The following SMTN variants were observed in gnomAD, a reference collection of about 807,000 sequenced individuals.
SMTN encodes the protein smoothelin.
SMTN carries 58 observed loss-of-function variants against 102.0 expected under a neutral mutation model. The observed-to-expected ratio is 0.57, with a 90% CI of 0.46 to 0.71. The LOEUF is 0.71. Among genes scored for constraint, SMTN ranks in the 30% least tolerant of loss-of-function variants. SMTN has a pLI of 0.00. For synonymous variants in SMTN, 478 were observed against 497.9 expected (o/e 0.96, Z 0.53); for missense variants, 1,185 against 1,241.7 (o/e 0.95, Z 0.69).
Position 31,088,123 on chromosome 22 carries a change from G to C in SMTN, c.200+10G>C, listed in dbSNP as rs200190296. The C allele has an allele frequency of 1.3e-6, 2 of 1,585,552 alleles. No individual in the cohort carries two copies. The highest frequency in any genetic ancestry group is 1.1e-5 in the South Asian group (1 of 88,342). ...AGGAGAACTGGCTGCAGTGAGTAGC[G>C]GGGGGTGGAACATGCGGGTGAGAAG... On this transcript the variant is annotated intron_variant, in intron 3 of 20. Coordinates refer to ENST00000333137, the MANE Select transcript of SMTN (RefSeq NM_134269.3).
chr22:31,097,870 G>A (rs950371764), intron 16 of SMTN, among the ~76,000 whole-genome samples: 1 of 152,150 alleles, frequency 6.6e-6, no homozygotes, highest in African/African-American at 2.4e-5. Context: ...CACACCACAG[G>A]AGAGGTGGAT....
intron 1 of SMTN, among the ~76,000 whole-genome samples, chr22:31,074,808 A>C (rs10427786): frequency 0.026 from 2,474 of 97,004 alleles, 51 homozygotes; most frequent in African/African-American, 0.11. Flanking sequence ...AAAACAACAA[A>C]AACAACAACA....
In SMTN at chr22:31,095,306, G is replaced by A. The variant is rs772379604; in HGVS notation, c.1636G>A (p.Glu546Lys). ...SSRGGCSIKM[E>K]AEPAEPLAAA... Reference sequence around the variant, plus strand: ...ATGCCCTCTCCCCACCCTGCAGATGGAAGCAGAGCCAGCAGAGCCTCTCGC... The same window carrying A: ...ATGCCCTCTCCCCACCCTGCAGATGAAAGCAGAGCCAGCAGAGCCTCTCGC... Residue 546 changes from glutamate to lysine, a missense_variant, in exon 12 of 21, where the codon GAA (glutamate) becomes AAA (lysine). By Grantham distance (56) the Glu-to-Lys change is moderately conservative (BLOSUM62 1). Around this residue, in one of 2 missense-constraint regions of SMTN, gnomAD observed 1,096 missense variants for 1,112.7 expected, o/e 0.98. Coordinates refer to ENST00000333137, the MANE Select transcript of SMTN (RefSeq NM_134269.3). The surrounding 1 kb of genome is among the most constrained non-coding windows in gnomAD (Gnocchi z 4.1). 1 of 1,613,616 alleles carries A rather than the reference G, an allele frequency of 6.2e-7. No individual in the cohort carries two copies. The highest frequency in any genetic ancestry group is 2.2e-5 in the East Asian group (1 of 44,878).
Position 31,095,259 on chromosome 22 carries a change from C to T in SMTN, c.1633-44C>T. On this transcript the variant is annotated intron_variant, in intron 11 of 20. Coordinates refer to ENST00000333137, the MANE Select transcript of SMTN (RefSeq NM_134269.3). The surrounding 1 kb of genome is among the most constrained non-coding windows in gnomAD (Gnocchi z 4.1). ...TCCATTGGAGACATGATGAGTTTCACCCATACCCCTGCTTAAAGTCCATGC... is the reference window on the plus strand; with the variant it reads ...TCCATTGGAGACATGATGAGTTTCATCCATACCCCTGCTTAAAGTCCATGC... 6.2e-7 allele frequency: 1 copy of T among 1,603,232 alleles called. No individual in the cohort carries two copies. The highest frequency in any genetic ancestry group is 8.5e-7 in the Non-Finnish European group (1 of 1,173,748).
At chr22:31,091,548 C>T (rs1476862723) in intron 10 of SMTN, 66 bp downstream of exon 10, 1 of 1,509,080 alleles carries the variant, frequency 6.6e-7, no homozygotes, top group Non-Finnish European at 8.9e-7. Flanking sequence ...GCATGCAGGA[C>T]AGGTGCTGCG....
chr22:31,100,012 G>T, intron 19 of SMTN, 116 bp downstream of exon 19: 1 of 989,422 alleles, frequency 1.0e-6, no homozygotes, highest in South Asian at 1.6e-5. Context: ...TCAGTCAGCG[G>T]CTGAGACCCC....
Position 31,091,470 on chromosome 22 carries a change from A to G in SMTN, c.1447A>G (p.Asn483Asp), listed in dbSNP as rs769392437. ...AGGCCGGGTGCTGCTGCCCACAGGC[A>G]ACCAGAGGGCAGGTAGGCGCCCCCC... The part of the protein sequence containing the change: ...STGRVLLPTG[N>D]QRAELTLGLR... Residue 483 changes from asparagine (N) to aspartate (D), a missense_variant, in exon 10 of 21, where the codon AAC (asparagine) becomes GAC (aspartate). Coordinates refer to ENST00000333137, the MANE Select transcript of SMTN (RefSeq NM_134269.3). 1 of 1,520,574 alleles carries G rather than the reference A, an allele frequency of 6.6e-7. No individual in the cohort carries two copies. Among genetic ancestry groups the G allele is most frequent in the East Asian group, 2.3e-5 (1 of 44,124 alleles). 94.2% of individuals were successfully genotyped at this position (1,520,574 alleles called of 1,614,324 possible).
At chr22:31,092,551 C>T (rs1444309256) in intron 11 of SMTN, 1 of 471,214 alleles carries the variant, frequency 2.1e-6, no homozygotes, top group Admixed American at 2.3e-5. Context: ...CTGTGCTAAA[C>T]CAGGGACTGA....
intron 1 of SMTN, among the ~76,000 whole-genome samples, chr22:31,071,696 CT>C (rs760104691): frequency 1.5e-3 from 134 of 87,766 alleles, no homozygotes; most frequent in Middle Eastern, 6.0e-3. Context: ...CTCTCTCTCT[CT>C]TTTTTTTTTT....
chr22:31,097,153 G>A (rs943225011), intron 15 of SMTN, 93 bp downstream of exon 15: 37 of 1,501,596 alleles, frequency 2.5e-5, no homozygotes, highest in African/African-American at 1.1e-4. Flanking sequence ...CTTCAACTGT[G>A]CCGTCACTTT....
intron 1 of SMTN, chr22:31,067,920 G>A (rs553874886): frequency 6.6e-6 from 1 of 152,294 alleles, no homozygotes; most frequent in South Asian, 2.1e-4. Context: ...TATAATCCCA[G>A]CACTTTGGGA....
At chr22:31,084,972 C>A in intron 2 of SMTN, 1 of 1,455,074 alleles carries the variant, frequency 6.9e-7, no homozygotes, top group Non-Finnish European at 9.0e-7. Flanking sequence ...AAAAGCTAGG[C>A]CCGCTCCGCC....
chr22:31,073,259 G>A (rs1005896163), intron 1 of SMTN, among the ~76,000 whole-genome samples: 1 of 151,680 alleles, frequency 6.6e-6, no homozygotes, highest in Non-Finnish European at 1.5e-5. Flanking sequence ...ACATACACAC[G>A]CACGCACGCA....
At chr22:31,094,856 T>G (rs1046654335) in intron 11 of SMTN, among the ~76,000 whole-genome samples, 6 of 152,100 alleles carry the variant, frequency 3.9e-5, no homozygotes, top group Non-Finnish European at 7.4e-5. Flanking sequence ...TAATTTTTTA[T>G]TTTTGTTTTT....
Sources: allele counts gnomAD v4.1 joint callset (sites outside exome capture counted in the v4.1 genomes callset), GRCh38; gene constraint gnomAD v4.1.1; regional missense constraint gnomAD v4.1.1; non-coding constraint Gnocchi (gnomAD v3.1); transcripts MANE v1.5; gene names NCBI Gene and HGNC (gene_info 2026-07-23, HGNC 2026-07-21).